RBFOX1: variants seen among roughly 807,000 people sequenced by gnomAD.
RBFOX1 encodes the protein RNA binding protein fox-1 homolog 1.
In RBFOX1, 8 loss-of-function variants were observed where a neutral mutation model predicts 57.7. The ratio of observed to expected loss-of-function variants is 0.14; its 90% CI spans 0.08 to 0.25. The LOEUF is 0.25. RBFOX1 is among the 10% of genes least tolerant of loss of function. The probability of loss-of-function intolerance (pLI) is 1.00; values close to 1 mark genes in which losing one functional copy is unlikely to be tolerated. For missense variants in RBFOX1, 611 were observed against 548.5 expected (o/e 1.11, Z -1.14); for synonymous variants, 326 against 222.4 (o/e 1.47, Z -4.15).
At chr16:6,674,946 C>T (rs2057362555) in intron 3 of RBFOX1, among the ~76,000 whole-genome samples, 1 of 152,084 alleles carries the variant, frequency 6.6e-6, no homozygotes, top group African/African-American at 2.4e-5. Context: ...CACTGTGTCA[C>T]CCAGGCTGGA....
chr16:7,513,283 T>TAATGAATGAATGAATGAATG (rs71150306), intron 4 of RBFOX1, among the ~76,000 whole-genome samples: 2 of 135,484 alleles, frequency 1.5e-5, no homozygotes, highest in African/African-American at 6.0e-5. Context: ...AAAATAAAAA[T>TAATGAATGAATGAATGAATG]AATGAATGAA....
intron 3 of RBFOX1, among the ~76,000 whole-genome samples, chr16:6,745,550 A>G (rs2073385999): frequency 6.6e-6 from 1 of 152,234 alleles, no homozygotes; most frequent in South Asian, 2.1e-4. Context: ...GTGAACTAAC[A>G]CAATTATTTT....
At chr16:5,761,639 G>A (rs1311931749) in intron 3 of RBFOX1, among the ~76,000 whole-genome samples, 1 of 152,058 alleles carries the variant, frequency 6.6e-6, no homozygotes, top group Admixed American at 6.6e-5. Context: ...ACAACATGAG[G>A]GTAACTGCCC....
chr16:5,824,875 GT>G (rs200757883), intron 3 of RBFOX1, among the ~76,000 whole-genome samples: 1,905 of 152,272 alleles, frequency 0.013, 22 homozygotes, highest in Middle Eastern at 0.037. Context: ...TTATCCTTTG[GT>G]TTACTTTCCT....
chr16:5,437,761 G>A (rs1211705007), intron 1 of RBFOX1, among the ~76,000 whole-genome samples: 2 of 152,232 alleles, frequency 1.3e-5, no homozygotes, highest in African/African-American at 2.4e-5. Context: ...GAGGCTCTGA[G>A]CAATTATTCC....
At chr16:5,802,858 A>C (rs2055103271) in intron 3 of RBFOX1, among the ~76,000 whole-genome samples, 3 of 152,192 alleles carry the variant, frequency 2.0e-5, no homozygotes, top group African/African-American at 7.2e-5. Flanking sequence ...CCACCTATCC[A>C]ACCATTCATT....
Position 7,505,453 on chromosome 16 carries a change from A to G in RBFOX1, c.28-12694A>G, listed in dbSNP as rs554419157. Among the ~76,000 whole-genome samples the G allele has an allele frequency of 2.0e-5, 3 of 152,242 alleles. No individual in the cohort carries two copies. In the South Asian group the frequency reaches 6.2e-4, roughly 32 times the overall value. Reference sequence around the variant, plus strand: ...TGGTTGGGAACTTCACTTGTTCTGGATGTCGCTCATTTTTTAAGGGCTAAG... The same window carrying G: ...TGGTTGGGAACTTCACTTGTTCTGGGTGTCGCTCATTTTTTAAGGGCTAAG... On this transcript the variant is annotated intron_variant, in intron 4 of 15. Coordinates refer to ENST00000550418, the MANE Select transcript of RBFOX1 (RefSeq NM_018723.4).
In RBFOX1 at chr16:7,346,818, A is replaced by G. The variant is rs139394335; in HGVS notation, c.28-171329A>G. Among the ~76,000 whole-genome samples, 33 of 152,296 alleles carry G rather than the reference A, an allele frequency of 2.2e-4. No homozygotes were observed. The East Asian group carries it at 6.0e-3, about 28-fold the overall frequency. ...ATGATCTCCACCATTCTGAATCTCA[A>G]GAAACCAAAGATGATTCTTGAATGT... is the stretch of plus-strand genomic sequence containing the variant. On this transcript the variant is annotated intron_variant, in intron 4 of 15. Coordinates refer to ENST00000550418, the MANE Select transcript of RBFOX1 (RefSeq NM_018723.4).
chr16:7,480,360 C>T (rs1312185958), intron 4 of RBFOX1, among the ~76,000 whole-genome samples: 1 of 152,174 alleles, frequency 6.6e-6, no homozygotes, highest in Non-Finnish European at 1.5e-5. Context: ...TATCCTTTTA[C>T]TGTTTAGAGG....
At chr16:6,256,626 C>T (rs772463132) in intron 1 of RBFOX1, among the ~76,000 whole-genome samples, 7 of 152,182 alleles carry the variant, frequency 4.6e-5, no homozygotes, top group Non-Finnish European at 8.8e-5. Flanking sequence ...CTGGCAGTCT[C>T]AGCACCACTG....
At chr16:7,243,633 A>G (rs1163861236) in intron 4 of RBFOX1, among the ~76,000 whole-genome samples, 1 of 152,098 alleles carries the variant, frequency 6.6e-6, no homozygotes, top group Non-Finnish European at 1.5e-5. Context: ...CTATAGCCTC[A>G]AATTCTGGGG....
chr16:7,237,132 C>T (rs1239686105), intron 4 of RBFOX1, among the ~76,000 whole-genome samples: 2 of 152,188 alleles, frequency 1.3e-5, no homozygotes, highest in East Asian at 1.9e-4. Context: ...TGCAATACAG[C>T]CGCCAACCCA....
At chr16:6,553,378 C>T (rs1403010593) in intron 2 of RBFOX1, among the ~76,000 whole-genome samples, 7 of 152,166 alleles carry the variant, frequency 4.6e-5, no homozygotes, top group Non-Finnish European at 1.0e-4. Flanking sequence ...TAGGACTATT[C>T]AGTGAACGTC....
chr16:5,980,204 T>C (rs1216064277), intron 4 of RBFOX1, among the ~76,000 whole-genome samples: 1 of 152,254 alleles, frequency 6.6e-6, no homozygotes. Flanking sequence ...AATGCTTTAA[T>C]GTCTCCTACC....
At chr16:6,230,074 A>G in intron 1 of RBFOX1, among the ~76,000 whole-genome samples, 1 of 152,272 alleles carries the variant, frequency 6.6e-6, no homozygotes, top group Non-Finnish European at 1.5e-5. Context: ...ATAATGGAAA[A>G]TTGTAGATAA....
chr16:7,496,691 C>CT (rs71147702), intron 4 of RBFOX1, among the ~76,000 whole-genome samples: 31,376 of 138,720 alleles, frequency 0.23, 5,830 homozygotes, highest in East Asian at 0.52. Context: ...TTAACAAAGA[C>CT]TTTTTTTTTT....
chr16:5,797,934 C>G (rs1389133154), intron 3 of RBFOX1, among the ~76,000 whole-genome samples: 1 of 152,098 alleles, frequency 6.6e-6, no homozygotes, highest in Non-Finnish European at 1.5e-5. Flanking sequence ...GATGGGACAC[C>G]ATAGAAGAGA....
At chr16:6,934,374 T>TAC (rs1359336758) in intron 3 of RBFOX1, among the ~76,000 whole-genome samples, 4 of 152,236 alleles carry the variant, frequency 2.6e-5, no homozygotes, top group Admixed American at 1.3e-4. Flanking sequence ...AGTATTTTTT[T>TAC]ACATGCAGAG....
intron 1 of RBFOX1, among the ~76,000 whole-genome samples, chr16:6,062,552 A>G (rs1378445714): frequency 6.7e-6 from 1 of 148,994 alleles, no homozygotes; most frequent in Non-Finnish European, 1.5e-5. Context: ...ATTTGTATCT[A>G]TATATGTATA....
Sources: gnomAD v4.1 joint callset for allele counts (sites outside exome capture counted in the v4.1 genomes callset) on GRCh38, gnomAD v4.1.1 for gene constraint, MANE v1.5 for transcripts, NCBI Gene and HGNC (gene_info 2026-07-23, HGNC 2026-07-21) for gene names.